The following TTC7B variants were observed in gnomAD, a reference collection of about 807,000 sequenced individuals.
TTC7B encodes the protein tetratricopeptide repeat domain 7B, also known as tetratricopeptide repeat protein 7B.
A neutral mutation model predicts 106.8 loss-of-function variants in TTC7B; 28 were observed. The observed-to-expected ratio is 0.26, with a 90% CI of 0.19 to 0.36. The LOEUF (loss-of-function observed/expected upper bound fraction) is 0.36, where lower values mean the gene tolerates loss of function less well. Ranked by LOEUF, TTC7B falls within the 10% of genes least tolerant of loss-of-function variation. The probability of loss-of-function intolerance (pLI) is 1.00; values close to 1 mark genes in which losing one functional copy is unlikely to be tolerated. For missense variants in TTC7B, 862 were observed against 1,076.4 expected (o/e 0.80, Z 2.79); for synonymous variants, 405 against 430.6 (o/e 0.94, Z 0.74).
chr14:90,701,796 G>GTA (rs138397501), intron 5 of TTC7B, among the ~76,000 whole-genome samples: 8,761 of 118,736 alleles, frequency 0.074, 289 homozygotes, highest in South Asian at 0.14. Flanking sequence ...GTGTGTGTGT[G>GTA]TATATATATA....
intron 9 of TTC7B, among the ~76,000 whole-genome samples, chr14:90,659,213 TTGTG>T (rs148678143): frequency 1.4e-4 from 20 of 146,714 alleles, no homozygotes; most frequent in Non-Finnish European, 2.3e-4. Context: ...ACGAGTGTGA[TTGTG>T]TGTGTGTGTG....
intron 5 of TTC7B, among the ~76,000 whole-genome samples, chr14:90,705,987 C>T (rs10141805): frequency 0.11 from 16,529 of 152,082 alleles, 995 homozygotes; most frequent in Admixed American, 0.18. Context: ...CAGCTAGATC[C>T]GCAGGCTTGA....
rs962025798 is a variant in TTC7B at position 90,528,422 on chromosome 14, C to T, written c.*12946G>A. ...TTGAGGCAGGGTCTTGCTGTGTCTC[C>T]CAGGCTGGGGTGCAGTGGCATAATC... On this transcript the variant is annotated 3_prime_UTR_variant, in exon 20 of 20. Coordinates refer to ENST00000328459, the MANE Select transcript of TTC7B (RefSeq NM_001010854.2). The T allele has an allele frequency of 2.0e-5, 3 of 152,480 alleles. No individual in the cohort carries two copies. The highest frequency in any genetic ancestry group is 7.2e-5 in the African/African-American group (3 of 41,458). 9.4% of individuals were successfully genotyped at this position (152,480 alleles called of 1,614,324 possible). A position where few individuals can be genotyped will look rare whatever the true frequency, so the allele number is the denominator to read the frequency against.
intron 13 of TTC7B, among the ~76,000 whole-genome samples, chr14:90,652,135 G>C (rs1257881574): frequency 6.6e-6 from 1 of 152,158 alleles, no homozygotes; most frequent in African/African-American, 2.4e-5. Context: ...AGGAGACCCT[G>C]ACTGCATACT....
chr14:90,773,631 T>A (rs1285282957), intron 3 of TTC7B, among the ~76,000 whole-genome samples: 1 of 152,222 alleles, frequency 6.6e-6, no homozygotes, highest in Non-Finnish European at 1.5e-5. Context: ...TGCCTCTCCA[T>A]GCAGCTGAGC....
At chr14:90,724,557 G>A (rs1404594826) in intron 5 of TTC7B, among the ~76,000 whole-genome samples, 1 of 152,108 alleles carries the variant, frequency 6.6e-6, no homozygotes, top group Non-Finnish European at 1.5e-5. Context: ...TTAAAAGTAT[G>A]TGGCACCCTG....
intron 3 of TTC7B, among the ~76,000 whole-genome samples, chr14:90,776,328 T>C (rs8005166): frequency 0.27 from 41,316 of 151,974 alleles, 9,182 homozygotes; most frequent in African/African-American, 0.62. Context: ...TCCCAACTAG[T>C]TCTCAGGAGT....
rs1893171597 is a variant in TTC7B, at chr14:90,618,290, T to G, written c.1752-245A>C. On this transcript the variant is annotated intron_variant, in intron 15 of 19. Transcript: ENST00000328459. ...ACTATTTGTGGTCAGGCTGAAAGCA[T>G]TAGAGTGGCCAATTTTATTCAGAAC... is the stretch of plus-strand genomic sequence containing the variant. Among the ~76,000 whole-genome samples, 3 of 152,206 alleles carry G rather than the reference T, an allele frequency of 2.0e-5. No individual in the cohort carries two copies. In the South Asian group the frequency reaches 6.2e-4, roughly 32 times the overall value.
At chr14:90,714,499 C>T (rs974897728) in intron 5 of TTC7B, among the ~76,000 whole-genome samples, 39 of 150,064 alleles carry the variant, frequency 2.6e-4, no homozygotes, top group African/African-American at 9.6e-4. Flanking sequence ...TCTTGTCGCT[C>T]AGGCTGGAGT....
intron 19 of TTC7B, chr14:90,567,767 G>T (rs1454038812): frequency 2.0e-5 from 3 of 152,328 alleles, no homozygotes; most frequent in African/African-American, 7.2e-5. Flanking sequence ...TGTAAAAGGG[G>T]GTGATTAGAT....
At chr14:90,559,541 C>T (rs1014985905) in intron 19 of TTC7B, among the ~76,000 whole-genome samples, 1 of 152,184 alleles carries the variant, frequency 6.6e-6, no homozygotes, top group African/African-American at 2.4e-5. Flanking sequence ...TAGGCCCTTT[C>T]CTTCTCTAGA....
At chr14:90,614,454 T>C (rs1410341609) in intron 16 of TTC7B, among the ~76,000 whole-genome samples, 1 of 152,228 alleles carries the variant, frequency 6.6e-6, no homozygotes, top group Non-Finnish European at 1.5e-5. Context: ...AACAGGACTT[T>C]GAATCACCTG....
intron 19 of TTC7B, among the ~76,000 whole-genome samples, chr14:90,573,787 A>G (rs1891146419): frequency 1.3e-5 from 2 of 151,954 alleles, no homozygotes; most frequent in African/African-American, 2.4e-5. Flanking sequence ...CCTTTTCTCA[A>G]CCTGTCAAAG....
rs998000693 is a variant in TTC7B, at chr14:90,808,966, C to T, written c.121+7209G>A. Among the ~76,000 whole-genome samples the T allele has an allele frequency of 1.3e-5, 2 of 152,214 alleles. No individual in the cohort carries two copies. Among genetic ancestry groups the T allele is most frequent in the East Asian group, 1.9e-4 (1 of 5,188 alleles). On this transcript the variant is annotated intron_variant, in intron 1 of 19. Transcript: ENST00000328459. The surrounding 1 kb of genome is among the most constrained non-coding windows in gnomAD (Gnocchi z 4.2). ...TTAGAACGCCTTCAGCAGCCAGTAACGACCAAACGCCTGACTCAGTGTGGC... is the reference window on the plus strand; with the variant it reads ...TTAGAACGCCTTCAGCAGCCAGTAATGACCAAACGCCTGACTCAGTGTGGC...
At position 90,701,709 on chromosome 14, in the gene TTC7B, T is replaced by C. The variant is rs373909719; in HGVS notation, c.699-6131A>G. Among the ~76,000 whole-genome samples the C allele has an allele frequency of 8.9e-3, 1,340 of 150,130 alleles. 10 individuals carry two copies. Among genetic ancestry groups the C allele is most frequent in the Non-Finnish European group, 0.013 (903 of 67,570 alleles). Reference sequence around the variant, plus strand: ...AGAAACGTATATATATATATATATATACACACACACAAATATATATTTCTC... The same window carrying C: ...AGAAACGTATATATATATATATATACACACACACACAAATATATATTTCTC... On this transcript the variant is annotated intron_variant, in intron 5 of 19. Transcript: ENST00000328459.
intron 3 of TTC7B, among the ~76,000 whole-genome samples, chr14:90,779,396 C>T (rs966412860): frequency 9.2e-5 from 14 of 152,148 alleles, no homozygotes; most frequent in East Asian, 1.9e-4. Flanking sequence ...CTCTGCCTCC[C>T]GGGTTTCCAG....
chr14:90,737,554 T>G (rs770881270), intron 4 of TTC7B, among the ~76,000 whole-genome samples: 1 of 139,324 alleles, frequency 7.2e-6, no homozygotes. Flanking sequence ...CTGTTTTTTT[T>G]TTTTTTTTTT....
intron 3 of TTC7B, among the ~76,000 whole-genome samples, chr14:90,753,143 C>CAAGAA (rs2140009086): frequency 6.6e-6 from 1 of 152,252 alleles, no homozygotes; most frequent in East Asian, 1.9e-4. Flanking sequence ...CTATGTAATG[C>CAAGAA]AAGAAAAGAC....
At chr14:90,590,436 G>T (rs887490527) in intron 18 of TTC7B, among the ~76,000 whole-genome samples, 1 of 152,180 alleles carries the variant, frequency 6.6e-6, no homozygotes, top group Non-Finnish European at 1.5e-5. Context: ...ACTGTACTCA[G>T]TTCACCAGAA....
Sources: gnomAD v4.1 joint callset for allele counts (sites outside exome capture counted in the v4.1 genomes callset) on GRCh38, gnomAD v4.1.1 for gene constraint, Gnocchi (gnomAD v3.1) non-coding constraint, MANE v1.5 for transcripts, NCBI Gene and HGNC (gene_info 2026-07-23, HGNC 2026-07-21) for gene names.